EXOC7: variants seen among roughly 807,000 people sequenced by gnomAD.
EXOC7 encodes exocyst complex component Exo70.
Under a neutral mutation model 87.6 loss-of-function variants are expected in EXOC7, and 51 were observed. The observed-to-expected ratio is 0.58, with a 90% CI of 0.46 to 0.73. EXOC7 has a LOEUF of 0.73. Among genes scored for constraint, EXOC7 ranks in the 30% least tolerant of loss-of-function variants. The pLI, the probability that EXOC7 is intolerant of heterozygous loss-of-function variation, is 0.00. For missense variants in EXOC7, 744 were observed against 888.4 expected, an observed-to-expected ratio of 0.84 and a Z score of 2.07; for synonymous variants, 327 against 357.1, an observed-to-expected ratio of 0.92 and a Z score of 0.95.
intron 15 of EXOC7, 169 bp from the exon 16 acceptor site, chr17:76,084,749 A>G: frequency 9.7e-6 from 6 of 617,062 alleles, no homozygotes; most frequent in South Asian, 8.0e-5. Context: ...AAATCTTTAA[A>G]CTGGTCACTT....
intron 10 of EXOC7, 132 bp from the exon 11 acceptor site, chr17:76,088,254 C>G (rs138603963): frequency 9.3e-7 from 1 of 1,073,332 alleles, no homozygotes; most frequent in Admixed American, 2.0e-5. Context: ...CTGAGCCAGG[C>G]TGGACCAAGG....
chr17:76,081,561 C>A lies in EXOC7; in HGVS notation c.*2087G>T, dbSNP rs140656208. ...CCCTTCCAGCTGAGGCTGAAGAACA[C>A]GGCGCTCAAGTCCATCATCGCTCTC... On this transcript the variant is annotated 3_prime_UTR_variant, in exon 19 of 19. Coordinates refer to ENST00000589210, the MANE Select transcript of EXOC7 (RefSeq NM_001013839.4). 1 of 1,613,464 alleles carries A rather than the reference C, an allele frequency of 6.2e-7. No homozygotes were observed. The highest frequency in any genetic ancestry group is 8.5e-7 in the Non-Finnish European group (1 of 1,180,032).
intron 5 of EXOC7, among the ~76,000 whole-genome samples, chr17:76,096,676 CCTCAGT>C (rs1598336342): frequency 6.6e-6 from 1 of 152,144 alleles, no homozygotes; most frequent in East Asian, 1.9e-4. Context: ...CTTGCCTCAG[CCTCAGT>C]AATAGCTGGG....
At chr17:76,084,624 C>A in intron 15 of EXOC7, 44 bp from the exon 16 acceptor site, 3 of 1,571,708 alleles carry the variant, frequency 1.9e-6, no homozygotes, top group Non-Finnish European at 2.6e-6. Flanking sequence ...GGTGGCCTGC[C>A]TCAGTGGCCT....
In EXOC7 at chr17:76,099,334, C is replaced by T. The variant is rs111723205; in HGVS notation, c.418-1316G>A. ...CAGCCTGGCCAACATGGTGAAACCCCGTTTCTACTAAAAATACAAAAAATT... is the reference window on the plus strand; with the variant it reads ...CAGCCTGGCCAACATGGTGAAACCCTGTTTCTACTAAAAATACAAAAAATT... On this transcript the variant is annotated intron_variant, in intron 4 of 18. Transcript: ENST00000589210. Among the ~76,000 whole-genome samples the T allele has an allele frequency of 1.3e-3, 193 of 152,192 alleles. 2 individuals are homozygous for T. The Middle Eastern group carries it at 0.014, about 11-fold the overall frequency.
rs773141819 is a variant in EXOC7, at chr17:76,082,676, A to G, written c.*972T>C. 6.4e-7 allele frequency: 1 copy of G among 1,570,002 alleles called. No individual in the cohort carries two copies. Among genetic ancestry groups the G allele is most frequent in the South Asian group, 1.2e-5 (1 of 85,290 alleles). On this transcript the variant is annotated 3_prime_UTR_variant, in exon 19 of 19. Coordinates refer to ENST00000589210, the MANE Select transcript of EXOC7 (RefSeq NM_001013839.4). Reference sequence around the variant, plus strand: ...TAAAGGGGCAGGGCCTGGGCTGCACACCTTAGGATGAAGTTTGCTTTCCCA... The same window carrying G: ...TAAAGGGGCAGGGCCTGGGCTGCACGCCTTAGGATGAAGTTTGCTTTCCCA...
At chr17:76,101,543 T>C in intron 3 of EXOC7, 136 bp downstream of exon 3, 1 of 1,346,392 alleles carries the variant, frequency 7.4e-7, no homozygotes. Flanking sequence ...CTCACTGTGT[T>C]GTCCAGACTG....
At position 76,101,319 on chromosome 17, in the gene EXOC7, C is replaced by T. The variant is rs2068048507; in HGVS notation, c.369G>A (p.Val123=). The change falls in exon 4 of 19, where the codon GTG becomes GTA. Residue 123 remains valine (V), a synonymous_variant. Transcript: ENST00000589210. The part of the protein sequence containing the change: ...LGSMAKIQKA[V]EYFQDNSPDS... ...CTGGGCTGTTGTCCTGGAAATACTCCACTGCCTTCTGAATCTTGGCCATGC... is the reference window on the plus strand; with the variant it reads ...CTGGGCTGTTGTCCTGGAAATACTCTACTGCCTTCTGAATCTTGGCCATGC... The T allele has an allele frequency of 1.2e-6, 2 of 1,613,980 alleles. No individual in the cohort carries two copies. Among genetic ancestry groups the T allele is most frequent in the African/African-American group, 1.3e-5 (1 of 74,898 alleles).
chr17:76,082,513 G>T lies in EXOC7; in HGVS notation c.*1135C>A. 1 of 1,613,776 alleles carries T rather than the reference G, an allele frequency of 6.2e-7. No homozygotes were observed. The highest frequency in any genetic ancestry group is 1.1e-5 in the South Asian group (1 of 91,048). On this transcript the variant is annotated 3_prime_UTR_variant, in exon 19 of 19. Coordinates refer to ENST00000589210, the MANE Select transcript of EXOC7 (RefSeq NM_001013839.4). ...ACAGAGAAGCTGGCCTGAGACTGCT[G>T]ACCGCATCTTCTTCCTCGTGTATGT...
intron 6 of EXOC7, chr17:76,091,502 G>A (rs769446064): frequency 1.1e-5 from 5 of 439,392 alleles, no homozygotes; most frequent in Non-Finnish European, 2.1e-5. Context: ...AATGAAGATG[G>A]ACCAAGATCC....
chr17:76,082,073 G>C lies in EXOC7; in HGVS notation c.*1575C>G. 6.3e-7 allele frequency: 1 copy of C among 1,580,106 alleles called. No individual in the cohort carries two copies. The highest frequency in any genetic ancestry group is 1.4e-5 in the African/African-American group (1 of 73,770). The stretch of plus-strand genomic sequence containing the variant: ...AGGTGGGCAGGGGCTGGGGGGTAAG[G>C]AATGAGGCCTAGGTGCACACCTAGG... On this transcript the variant is annotated 3_prime_UTR_variant, in exon 19 of 19. Coordinates refer to ENST00000589210, the MANE Select transcript of EXOC7 (RefSeq NM_001013839.4).
chr17:76,087,885 G>A (rs2067284979), intron 11 of EXOC7, 165 bp from the exon 12 acceptor site: 7 of 934,096 alleles, frequency 7.5e-6, no homozygotes, highest in Non-Finnish European at 1.2e-5. Context: ...GAAAGGCCCT[G>A]TCTGCTAGAG....
rs771039810 is a variant in EXOC7 at position 76,089,154 on chromosome 17, GC to G, written c.1047+20del. ...AGCTCTTGCTGGGGCTGGCTGCAGA[GC>G]CCCCGGGGCGGGGCGGGACCTGTAT... On this transcript the variant is annotated intron_variant, in intron 8 of 18. Transcript: ENST00000589210. 1.9e-6 allele frequency: 3 copies of G among 1,611,456 alleles called. No individual in the cohort carries two copies. The highest frequency in any genetic ancestry group is 2.5e-6 in the Non-Finnish European group (3 of 1,179,732).
At chr17:76,100,265 G>A (rs1291428856) in intron 4 of EXOC7, among the ~76,000 whole-genome samples, 1 of 152,078 alleles carries the variant, frequency 6.6e-6, no homozygotes, top group Non-Finnish European at 1.5e-5. Context: ...GAACATATTT[G>A]TGGAGATAAT....
At chr17:76,090,625 G>T in intron 7 of EXOC7, 1 of 730,208 alleles carries the variant, frequency 1.4e-6, no homozygotes, top group Non-Finnish European at 2.2e-6. Flanking sequence ...GTCCTTAGCT[G>T]CTCATTTCCC....
At position 76,081,647 on chromosome 17, in the gene EXOC7, G is replaced by T. The variant is rs377587633; in HGVS notation, c.*2001C>A. The T allele has an allele frequency of 6.2e-7, 1 of 1,614,134 alleles. No individual in the cohort carries two copies. The highest frequency in any genetic ancestry group is 1.1e-5 in the South Asian group (1 of 91,090). ...GTGCGGGGGGTTGCTGCCCCTCCGG[G>T]CCATTGAGCGCATAGGCTACAAGGT... On this transcript the variant is annotated 3_prime_UTR_variant, in exon 19 of 19. Transcript: ENST00000589210.
At chr17:76,084,813 T>A (rs2067138142) in intron 15 of EXOC7, 1 of 573,426 alleles carries the variant, frequency 1.7e-6, no homozygotes, top group South Asian at 2.1e-5. Context: ...ACAAATACTG[T>A]CAACTATACT....
At chr17:76,100,044 G>A (rs1028218004) in intron 4 of EXOC7, among the ~76,000 whole-genome samples, 6 of 152,138 alleles carry the variant, frequency 3.9e-5, no homozygotes, top group Non-Finnish European at 7.3e-5. Context: ...CGAGGCTGCA[G>A]TAGCTATGGT....
chr17:76,081,670 G>A lies in EXOC7; in HGVS notation c.*1978C>T. The A allele has an allele frequency of 6.2e-7, 1 of 1,614,140 alleles. No individual in the cohort carries two copies. Among genetic ancestry groups the A allele is most frequent in the Non-Finnish European group, 8.5e-7 (1 of 1,180,028 alleles). ...GGGCCATTGAGCGCATAGGCTACAA[G>A]GTGACATTGCTGCTGAGTTACCTCG... On this transcript the variant is annotated 3_prime_UTR_variant, in exon 19 of 19. Transcript: ENST00000589210.
Sources: allele counts gnomAD v4.1 joint callset (sites outside exome capture counted in the v4.1 genomes callset), GRCh38; gene constraint gnomAD v4.1.1; transcripts MANE v1.5; gene names NCBI Gene and HGNC (gene_info 2026-07-23, HGNC 2026-07-21).